TAF2: variants seen among roughly 807,000 people sequenced by gnomAD.
TAF2 encodes the protein TATA-box binding protein associated factor 2, also known as transcription initiation factor TFIID subunit 2.
Under a neutral mutation model 138.5 loss-of-function variants are expected in TAF2, and 61 were observed. The ratio of observed to expected loss-of-function variants is 0.44; its 90% confidence interval spans 0.36 to 0.54. The LOEUF (loss-of-function observed/expected upper bound fraction) is 0.54. Ranked by LOEUF, TAF2 falls within the 20% of genes least tolerant of loss-of-function variation. TAF2 has a pLI of 0.00. For synonymous variants in TAF2, 475 were observed against 469.9 expected, an observed-to-expected ratio of 1.01 and a Z score of -0.14; for missense variants, 1,090 against 1,427.9, an observed-to-expected ratio of 0.76 and a Z score of 3.81.
At chr8:119,787,524 C>T (rs1391150210) in intron 14 of TAF2, among the ~76,000 whole-genome samples, 1 of 152,098 alleles carries the variant, frequency 6.6e-6, no homozygotes, top group African/African-American at 2.4e-5. Flanking sequence ...AAATGCAAAT[C>T]AAAACCACAA....
At chr8:119,806,472 T>TC (rs200488756) in intron 3 of TAF2, 71 bp from the exon 4 acceptor site, 8 of 229,564 alleles carry the variant, frequency 3.5e-5, no homozygotes, top group Admixed American at 1.4e-4. Context: ...TTTCTTTCTT[T>TC]TTTTTTTTTT....
At chr8:119,775,686 G>A (rs1224715193) in intron 18 of TAF2, among the ~76,000 whole-genome samples, 1 of 151,902 alleles carries the variant, frequency 6.6e-6, no homozygotes, top group Non-Finnish European at 1.5e-5. Flanking sequence ...CTGGGTGACA[G>A]AGCGAGATTC....
chr8:119,799,489 C>CT (rs1239403590), intron 6 of TAF2, among the ~76,000 whole-genome samples: 2 of 152,106 alleles, frequency 1.3e-5, no homozygotes, highest in Non-Finnish European at 2.9e-5. Flanking sequence ...TGAACTCATC[C>CT]TTTTTTATGG....
At chr8:119,780,480 G>A (rs1437495661) in intron 17 of TAF2, among the ~76,000 whole-genome samples, 2 of 152,152 alleles carry the variant, frequency 1.3e-5, no homozygotes, top group Non-Finnish European at 2.9e-5. Flanking sequence ...TTCTAGGACT[G>A]CCAATCGAAG....
chr8:119,732,234 A>G, intron 25 of TAF2, 48 bp from the exon 26 acceptor site: 1 of 1,574,946 alleles, frequency 6.3e-7, no homozygotes, highest in Non-Finnish European at 8.7e-7. Context: ...TGATACGGAA[A>G]GCCAGACTAA....
At chr8:119,775,413 T>C (rs1294992377) in intron 18 of TAF2, among the ~76,000 whole-genome samples, 1 of 151,260 alleles carries the variant, frequency 6.6e-6, no homozygotes, top group East Asian at 2.0e-4. Context: ...AATTTAAAGG[T>C]TGACTACAGC....
chr8:119,829,188 T>C (rs1563934228), intron 2 of TAF2, among the ~76,000 whole-genome samples: 1 of 152,178 alleles, frequency 6.6e-6, no homozygotes, highest in Non-Finnish European at 1.5e-5. Context: ...TTGCATTAAC[T>C]GGGCTCTACC....
chr8:119,784,017 G>A lies in TAF2; in HGVS notation c.1860-384C>T, dbSNP rs138505582. ...TTCTTAATTTGTTTAGCTGACTTAA[G>A]ACTTTTTAAAAATACTAGACTCACG... On this transcript the variant is annotated intron_variant, in intron 15 of 25. Transcript: ENST00000378164. Among the ~76,000 whole-genome samples the A allele has an allele frequency of 1.8e-3, 270 of 152,292 alleles. 1 individual carries two copies. Among genetic ancestry groups the A allele is most frequent in the African/African-American group, 6.2e-3 (259 of 41,570 alleles).
Position 119,778,049 on chromosome 8 carries a change from T to C in TAF2, c.2334A>G (p.Leu778=). 6.4e-7 allele frequency: 1 copy of C among 1,568,758 alleles called. No homozygotes were observed. The highest frequency in any genetic ancestry group is 8.7e-7 in the Non-Finnish European group (1 of 1,143,094). The change falls in exon 18 of 26, where the codon TTA becomes TTG. Residue 778 remains leucine, a synonymous_variant. Transcript: ENST00000378164. The stretch of plus-strand genomic sequence containing the variant: ...TTTTCCTGTTGTCATTGTACTTGAT[T>C]AAGTCTAAAATAAATGTTAAGACTT... The part of the protein sequence containing the change: ...PKEVLTFILD[L]IKYNDNRKNK...
At chr8:119,808,641 A>G (rs915538952) in intron 3 of TAF2, among the ~76,000 whole-genome samples, 1 of 152,240 alleles carries the variant, frequency 6.6e-6, no homozygotes, top group Non-Finnish European at 1.5e-5. Flanking sequence ...TTCTTAAATA[A>G]TAAGACTTGA....
At chr8:119,788,725 T>C (rs1241963553) in intron 13 of TAF2, 65 bp downstream of exon 13, 17 of 1,139,090 alleles carry the variant, frequency 1.5e-5, no homozygotes, top group Middle Eastern at 1.9e-4. Context: ...AACCCATCCC[T>C]AAGTCCCTCT....
Position 119,762,571 on chromosome 8 carries a change from G to A in TAF2, c.2402C>T (p.Ala801Val). The change falls in exon 19 of 26, where the codon GCC (alanine) becomes GTC (valine). Residue 801 changes from alanine to valine, a missense_variant. Physicochemically the swap from Ala to Val is moderately conservative, Grantham distance 64. Around this residue, in one of 3 missense-constraint regions of TAF2, gnomAD observed 580 missense variants for 719.6 expected, o/e 0.81. Coordinates refer to ENST00000378164, the MANE Select transcript of TAF2 (RefSeq NM_003184.4). ...DNYYRAEMIDALANSVTPAVS... is the reference protein window; with the variant it reads ...DNYYRAEMIDVLANSVTPAVS... ...TGCAGGTGTAACAGAGTTGGCCAGG[G>A]CATCAATCATTTCTGCACGATAATA... 1 of 1,613,344 alleles carries A rather than the reference G, an allele frequency of 6.2e-7. No homozygotes were observed. The highest frequency in any genetic ancestry group is 1.1e-5 in the South Asian group (1 of 90,954).
At chr8:119,751,439 A>T (rs1820345327) in intron 22 of TAF2, among the ~76,000 whole-genome samples, 1 of 152,178 alleles carries the variant, frequency 6.6e-6, no homozygotes, top group African/African-American at 2.4e-5. Context: ...CTACCTAAAA[A>T]TGTATTTATC....
intron 18 of TAF2, chr8:119,762,865 A>G: frequency 6.2e-6 from 2 of 320,364 alleles, no homozygotes; most frequent in Non-Finnish European, 1.2e-5. Flanking sequence ...AAGAAACTGG[A>G]GGGTTAATGT....
chr8:119,803,737 A>C (rs1248982730), intron 5 of TAF2, 141 bp downstream of exon 5: 1 of 907,180 alleles, frequency 1.1e-6, no homozygotes, highest in Non-Finnish European at 1.6e-6. Flanking sequence ...GGAATGACTA[A>C]CAGAAAGTAA....
chr8:119,831,200 G>A (rs933479821), intron 2 of TAF2, among the ~76,000 whole-genome samples: 1 of 152,146 alleles, frequency 6.6e-6, no homozygotes, highest in East Asian at 1.9e-4. Flanking sequence ...TGTGTCGGGA[G>A]GCAGGGGGAG....
intron 18 of TAF2, among the ~76,000 whole-genome samples, chr8:119,768,641 G>A (rs768783158): frequency 1.3e-5 from 2 of 152,208 alleles, no homozygotes; most frequent in Non-Finnish European, 2.9e-5. Context: ...TGCAGTTGTT[G>A]GGTAGAATAA....
chr8:119,733,263 T>C (rs915359786), intron 25 of TAF2, among the ~76,000 whole-genome samples: 5 of 152,128 alleles, frequency 3.3e-5, no homozygotes, highest in Non-Finnish European at 7.4e-5. Context: ...CTTAAGACAA[T>C]TTCTAGGGAT....
Position 119,762,605 on chromosome 8 carries a change from A to G in TAF2, c.2368T>C (p.Ser790Pro). ...KYNDNRKNKF[S>P]DNYYRAEMID... ...ATTTCTGCACGATAATAGTTATCTG[A>G]AAACTAGGCCAAAGAAAAATTAAGT... The change falls in exon 19 of 26, where the codon TCA (serine) becomes CCA (proline). Residue 790 changes from serine (S) to proline (P), a missense_variant. Ser to Pro is a moderately conservative substitution (Grantham distance 74). Around this residue, in one of 3 missense-constraint regions of TAF2, gnomAD observed 580 missense variants for 719.6 expected, o/e 0.81. Coordinates refer to ENST00000378164, the MANE Select transcript of TAF2 (RefSeq NM_003184.4). 6.2e-7 allele frequency: 1 copy of G among 1,611,546 alleles called. No individual in the cohort carries two copies. Among genetic ancestry groups the G allele is most frequent in the African/African-American group, 1.3e-5 (1 of 75,012 alleles).
Sources: allele counts gnomAD v4.1 joint callset (sites outside exome capture counted in the v4.1 genomes callset), GRCh38; gene constraint gnomAD v4.1.1; regional missense constraint gnomAD v4.1.1; transcripts MANE v1.5; gene names NCBI Gene and HGNC (gene_info 2026-07-23, HGNC 2026-07-21).